The following PGPEP1 variants were observed in gnomAD, a reference collection of about 807,000 sequenced individuals.
The protein encoded by PGPEP1 is pyroglutamyl-peptidase 1.
PGPEP1 carries 15 observed loss-of-function variants against 24.1 expected under a neutral mutation model. The ratio of observed to expected loss-of-function variants is 0.62; its 90% CI spans 0.42 to 0.96. The LOEUF is 0.96. Ranked by LOEUF, PGPEP1 falls within the 40% of genes least tolerant of loss-of-function variation. The pLI is 0.00. For missense variants in PGPEP1, 242 were observed against 273.4 expected, an observed-to-expected ratio of 0.89 and a Z score of 0.81; for synonymous variants, 122 against 116.4, an observed-to-expected ratio of 1.05 and a Z score of -0.31.
rs1297795313 is a variant in PGPEP1 at position 18,369,845 on chromosome 19, G to C, written c.*6262G>C. 6.6e-6 allele frequency: 1 copy of C among 152,082 alleles called. No individual in the cohort carries two copies. The highest frequency in any genetic ancestry group is 1.5e-5 in the Non-Finnish European group (1 of 68,072). 9.4% of individuals were successfully genotyped at this position (152,082 alleles called of 1,614,324 possible). A position where few individuals can be genotyped will look rare whatever the true frequency, so the allele number is the denominator to read the frequency against. On this transcript the variant is annotated 3_prime_UTR_variant, in exon 5 of 5. Transcript: ENST00000269919. ...GCCTTTTCTGAAACTCCTGTGTCCC[G>C]GGCCCCCCAGGCGGAGAAGGATATG...
At chr19:18,341,233 C>T (rs977456033) in intron 1 of PGPEP1, among the ~76,000 whole-genome samples, 1 of 152,094 alleles carries the variant, frequency 6.6e-6, no homozygotes, top group Non-Finnish European at 1.5e-5. Flanking sequence ...AAGGCAGGGG[C>T]AGGTGGGGGT....
rs1329549461 is a variant in PGPEP1, at chr19:18,340,619, A to C, written c.-63A>C. On this transcript the variant is annotated 5_prime_UTR_variant, in exon 1 of 5. Transcript: ENST00000269919. ...TGGCCTCGCGCGGCCGAGAGGCTGCAGCGGCAGCAGCTGTCGCGCCAGTCG... is the reference window on the plus strand; with the variant it reads ...TGGCCTCGCGCGGCCGAGAGGCTGCCGCGGCAGCAGCTGTCGCGCCAGTCG... 3.5e-6 allele frequency: 5 copies of C among 1,446,758 alleles called. No individual in the cohort carries two copies. The African/African-American group carries it at 5.9e-5, about 17-fold the overall frequency. 89.6% of individuals were successfully genotyped at this position (1,446,758 alleles called of 1,614,324 possible). A position where few individuals can be genotyped will look rare whatever the true frequency, so the allele number is the denominator to read the frequency against.
At chr19:18,356,417 G>A (rs1397499695) in intron 3 of PGPEP1, among the ~76,000 whole-genome samples, 3 of 150,706 alleles carry the variant, frequency 2.0e-5, no homozygotes, top group African/African-American at 7.4e-5. Context: ...CTGGGCAGCA[G>A]AGCAAGACCT....
At position 18,355,884 on chromosome 19, in the gene PGPEP1, CT is replaced by C; in HGVS notation, c.88-10del. ...CTGGGGCCATGACACTCCCACTCTCCTCTCTTCCAGGAGCTAGAAAAGCTAG... is the reference window on the plus strand; with the variant it reads ...CTGGGGCCATGACACTCCCACTCTCCCTCTTCCAGGAGCTAGAAAAGCTAG... On this transcript the variant is annotated splice_polypyrimidine_tract_variant and intron_variant, in intron 2 of 4. Transcript: ENST00000269919. 1 of 1,578,404 alleles carries C rather than the reference CT, an allele frequency of 6.3e-7. No homozygotes were observed. Among genetic ancestry groups the C allele is most frequent in the Non-Finnish European group, 8.7e-7 (1 of 1,147,754 alleles).
chr19:18,363,309 TG>T, intron 4 of PGPEP1, 81 bp from the exon 5 acceptor site: 1 of 1,104,476 alleles, frequency 9.1e-7, no homozygotes, highest in Non-Finnish European at 1.3e-6. Flanking sequence ...TGGATTTGGA[TG>T]GGTGCTGTCA....
chr19:18,354,276 A>G (rs766360221), intron 2 of PGPEP1, among the ~76,000 whole-genome samples: 4 of 151,740 alleles, frequency 2.6e-5, no homozygotes, highest in Admixed American at 1.3e-4. Context: ...CAGGTAGATC[A>G]CGAGGTCAGG....
At chr19:18,363,068 T>TGTGTGTGTGTGTG (rs60619670) in intron 4 of PGPEP1, among the ~76,000 whole-genome samples, 32 of 146,784 alleles carry the variant, frequency 2.2e-4, no homozygotes, top group South Asian at 1.1e-3. Flanking sequence ...TGTGTGTGTG[T>TGTGTGTGTGTGTG]TTTAAAGAGA....
rs186719589 is a variant in PGPEP1 at position 18,349,367 on chromosome 19, G to C, written c.87+6456G>C. Among the ~76,000 whole-genome samples, 6 of 151,324 alleles carry C rather than the reference G, an allele frequency of 4.0e-5. No homozygotes were observed. The East Asian group carries it at 1.2e-3, about 30-fold the overall frequency. ...GTAGAGACAGGGTTTCGCCATGTTG[G>C]CCAGGCTGATCTTGAACTCCTGGCC... On this transcript the variant is annotated intron_variant, in intron 2 of 4. Transcript: ENST00000269919.
At chr19:18,351,290 T>C (rs1971016239) in intron 2 of PGPEP1, among the ~76,000 whole-genome samples, 1 of 151,294 alleles carries the variant, frequency 6.6e-6, no homozygotes. Flanking sequence ...AACTTTACTT[T>C]TAAGTGCTGT....
chr19:18,349,531 C>G (rs1254679043), intron 2 of PGPEP1, among the ~76,000 whole-genome samples: 1 of 152,188 alleles, frequency 6.6e-6, no homozygotes, highest in African/African-American at 2.4e-5. Flanking sequence ...CAAGACATCA[C>G]CTTGTGCCCA....
intron 2 of PGPEP1, among the ~76,000 whole-genome samples, chr19:18,354,870 A>G (rs1445841723): frequency 2.0e-5 from 3 of 152,002 alleles, no homozygotes; most frequent in African/African-American, 7.3e-5. Context: ...TGTCATTTGA[A>G]CACTTAAAAT....
chr19:18,350,076 A>T (rs975132408), intron 2 of PGPEP1, among the ~76,000 whole-genome samples: 3 of 151,866 alleles, frequency 2.0e-5, no homozygotes, highest in Non-Finnish European at 2.9e-5. Context: ...GCTGGAGTGC[A>T]GTGGTGTGAT....
chr19:18,350,073 T>G (rs537317545), intron 2 of PGPEP1, among the ~76,000 whole-genome samples: 2 of 151,838 alleles, frequency 1.3e-5, no homozygotes, highest in Admixed American at 1.3e-4. Flanking sequence ...CTAGCTGGAG[T>G]GCAGTGGTGT....
chr19:18,352,665 C>T (rs1971070834), intron 2 of PGPEP1, among the ~76,000 whole-genome samples: 1 of 151,754 alleles, frequency 6.6e-6, no homozygotes, highest in Non-Finnish European at 1.5e-5. Context: ...AAGCCATTCT[C>T]ATGCCTCAGC....
chr19:18,346,251 T>C lies in PGPEP1; in HGVS notation c.87+3340T>C, dbSNP rs537096259. On this transcript the variant is annotated intron_variant, in intron 2 of 4. Transcript: ENST00000269919. Reference sequence around the variant, plus strand: ...GCCCCTGGAGTTGCTGCTTGGTTCCTTCCTGTCCTGGATTTGCCTGTTAGA... The same window carrying C: ...GCCCCTGGAGTTGCTGCTTGGTTCCCTCCTGTCCTGGATTTGCCTGTTAGA... Among the ~76,000 whole-genome samples, 6 of 152,290 alleles carry C rather than the reference T, an allele frequency of 3.9e-5. No homozygotes were observed. The South Asian group carries it at 1.2e-3, about 32-fold the overall frequency.
chr19:18,357,887 C>T (rs1971234381), intron 4 of PGPEP1: 1 of 483,460 alleles, frequency 2.1e-6, no homozygotes, highest in Non-Finnish European at 3.8e-6. Context: ...CTCAGTCTTC[C>T]TCCCTGCTGC....
chr19:18,347,058 C>T (rs1165922014), intron 2 of PGPEP1, among the ~76,000 whole-genome samples: 5 of 151,060 alleles, frequency 3.3e-5, no homozygotes, highest in African/African-American at 7.3e-5. Context: ...CTCTCTTTCT[C>T]GCTCTCTTTT....
chr19:18,352,528 C>T (rs1459980404), intron 2 of PGPEP1, among the ~76,000 whole-genome samples: 3 of 151,078 alleles, frequency 2.0e-5, no homozygotes, highest in South Asian at 2.1e-4. Context: ...GTTGACGGAA[C>T]GGATGGTGGG....
At chr19:18,347,746 G>A (rs754591427) in intron 2 of PGPEP1, among the ~76,000 whole-genome samples, 57 of 150,814 alleles carry the variant, frequency 3.8e-4, no homozygotes, top group Non-Finnish European at 1.0e-4. Flanking sequence ...TGATTCTCCC[G>A]TCTCAGCCTC....
Sources: gnomAD v4.1 joint callset for allele counts (sites outside exome capture counted in the v4.1 genomes callset) on GRCh38, gnomAD v4.1.1 for gene constraint, MANE v1.5 for transcripts, NCBI Gene and HGNC (gene_info 2026-07-23, HGNC 2026-07-21) for gene names.